PTPRD: variants seen among roughly 807,000 people sequenced by gnomAD.
PTPRD encodes receptor-type tyrosine-protein phosphatase delta.
In PTPRD, 34 loss-of-function variants were observed where a neutral mutation model predicts 214.5. That is an observed-to-expected ratio of 0.16 (90% CI 0.12 to 0.21). PTPRD has a LOEUF of 0.21. PTPRD is among the 10% of genes least tolerant of loss of function. PTPRD has a pLI of 1.00. For missense variants in PTPRD, 2,545 were observed against 2,398.7 expected, an observed-to-expected ratio of 1.06 and a Z score of -1.27; for synonymous variants, 1,128 against 845.7, an observed-to-expected ratio of 1.33 and a Z score of -5.79.
chr9:8,614,514 T>C (rs566866676), intron 14 of PTPRD, among the ~76,000 whole-genome samples: 6 of 152,174 alleles, frequency 3.9e-5, no homozygotes, highest in Admixed American at 6.5e-5. Context: ...TAGACTGAAA[T>C]AGAGAAGATA....
At chr9:9,846,281 G>A (rs1487925297) in intron 5 of PTPRD, among the ~76,000 whole-genome samples, 1 of 151,966 alleles carries the variant, frequency 6.6e-6, no homozygotes, top group Non-Finnish European at 1.5e-5. Flanking sequence ...GTACCCTACA[G>A]CATTCCCAAT....
At chr9:8,883,061 A>G (rs1161502416) in intron 11 of PTPRD, among the ~76,000 whole-genome samples, 3 of 152,090 alleles carry the variant, frequency 2.0e-5, no homozygotes, top group Non-Finnish European at 4.4e-5. Context: ...GCTGTTTGAA[A>G]TTCCTGTCAA....
intron 5 of PTPRD, among the ~76,000 whole-genome samples, chr9:9,825,765 T>C (rs2052593440): frequency 6.6e-6 from 1 of 151,866 alleles, no homozygotes; most frequent in Non-Finnish European, 1.5e-5. Flanking sequence ...TCATTTTCTT[T>C]CTTCATGTAT....
chr9:8,430,255 AT>A (rs2094951089), intron 35 of PTPRD, among the ~76,000 whole-genome samples: 2 of 151,628 alleles, frequency 1.3e-5, no homozygotes, highest in Admixed American at 6.6e-5. Flanking sequence ...TGGGATGCCC[AT>A]TAATTTTTTT....
At chr9:9,838,379 C>T (rs573925699) in intron 5 of PTPRD, among the ~76,000 whole-genome samples, 39 of 152,016 alleles carry the variant, frequency 2.6e-4, no homozygotes, top group Middle Eastern at 3.4e-3. Context: ...GTTTACAGTC[C>T]CACCAACAGT....
Position 9,468,376 on chromosome 9 carries a change from T to C in PTPRD, c.-236-70894A>G, listed in dbSNP as rs181498416. On this transcript the variant is annotated intron_variant, in intron 8 of 45. Transcript: ENST00000381196. ...AATAATCTTTACTAAGATATCTATG[T>C]AGTTATCTTTGTATAGATATGTGCA... 1.2e-4 allele frequency among the ~76,000 whole-genome samples: 18 copies of C among 152,088 alleles called. No individual in the cohort carries two copies. In the East Asian group the frequency reaches 3.3e-3, roughly 28 times the overall value.
chr9:8,748,785 C>A (rs923365359), intron 11 of PTPRD, among the ~76,000 whole-genome samples: 1 of 152,064 alleles, frequency 6.6e-6, no homozygotes, highest in African/African-American at 2.4e-5. Flanking sequence ...GTGGCGCATG[C>A]CTGTAATCCC....
intron 3 of PTPRD, among the ~76,000 whole-genome samples, chr9:10,140,703 A>G (rs934259545): frequency 1.3e-5 from 2 of 152,158 alleles, no homozygotes; most frequent in Admixed American, 1.3e-4. Flanking sequence ...TTCTGAAACT[A>G]TTCCAATCAA....
intron 5 of PTPRD, among the ~76,000 whole-genome samples, chr9:9,871,378 C>A (rs2065375066): frequency 6.6e-6 from 1 of 152,100 alleles, no homozygotes. Context: ...AGTCTTGTAT[C>A]CTTGATGGAG....
intron 5 of PTPRD, among the ~76,000 whole-genome samples, chr9:9,931,376 G>C (rs1375905041): frequency 6.6e-6 from 1 of 152,164 alleles, no homozygotes; most frequent in Admixed American, 6.5e-5. Flanking sequence ...CGTGCACCGT[G>C]CGTGAGCCGA....
At chr9:8,880,429 G>A (rs2098435830) in intron 11 of PTPRD, among the ~76,000 whole-genome samples, 1 of 152,134 alleles carries the variant, frequency 6.6e-6, no homozygotes, top group Non-Finnish European at 1.5e-5. Context: ...TCACGAAGAT[G>A]ATGATGAAGC....
rs143076737 is a variant in PTPRD, at chr9:10,167,628, T to A, written c.-544-133838A>T. On this transcript the variant is annotated intron_variant, in intron 3 of 45. Coordinates refer to ENST00000381196, the MANE Select transcript of PTPRD (RefSeq NM_002839.4). ...GGATGTACGGAGTTTTAAAATAGGATGATTTATGAAGTTTTCTGTTTAATA... is the reference window on the plus strand; with the variant it reads ...GGATGTACGGAGTTTTAAAATAGGAAGATTTATGAAGTTTTCTGTTTAATA... Among the ~76,000 whole-genome samples the A allele has an allele frequency of 5.1e-3, 780 of 152,298 alleles. 7 individuals are homozygous for A. Among genetic ancestry groups the A allele is most frequent in the African/African-American group, 0.018 (748 of 41,562 alleles).
intron 12 of PTPRD, among the ~76,000 whole-genome samples, chr9:8,718,703 C>T (rs17575409): frequency 0.082 from 12,477 of 152,230 alleles, 644 homozygotes; most frequent in Middle Eastern, 0.13. Context: ...GTATGCCCTT[C>T]CTACATCTGC....
intron 8 of PTPRD, among the ~76,000 whole-genome samples, chr9:9,436,855 CT>C (rs1569568311): frequency 6.6e-6 from 1 of 150,862 alleles, no homozygotes; most frequent in Non-Finnish European, 1.5e-5. Context: ...TTATCTGTCT[CT>C]TTTTGCTTAT....
At chr9:10,510,622 T>G (rs138216468) in intron 2 of PTPRD, among the ~76,000 whole-genome samples, 1 of 152,292 alleles carries the variant, frequency 6.6e-6, no homozygotes, top group African/African-American at 2.4e-5. Context: ...ACACATTATA[T>G]TTTAACATGA....
At chr9:9,680,222 C>A (rs1479853955) in intron 7 of PTPRD, among the ~76,000 whole-genome samples, 1 of 151,656 alleles carries the variant, frequency 6.6e-6, no homozygotes, top group African/African-American at 2.4e-5. Context: ...GATAAAAAAG[C>A]CTTTATCTTT....
At chr9:8,896,439 A>C (rs1011415937) in intron 11 of PTPRD, among the ~76,000 whole-genome samples, 2 of 152,204 alleles carry the variant, frequency 1.3e-5, no homozygotes, top group Admixed American at 1.3e-4. Context: ...CCCAAGCTTA[A>C]AATAGCATAA....
intron 12 of PTPRD, among the ~76,000 whole-genome samples, chr9:8,665,465 T>A (rs141036345): frequency 1.2e-4 from 18 of 152,274 alleles, no homozygotes; most frequent in African/African-American, 4.1e-4. Context: ...CATGAGCTGA[T>A]CCTTTGAACA....
At position 9,960,889 on chromosome 9, in the gene PTPRD, G is replaced by T. The variant is rs1316297870; in HGVS notation, c.-471-22279C>A. 3.9e-5 allele frequency among the ~76,000 whole-genome samples: 6 copies of T among 151,980 alleles called. No individual in the cohort carries two copies. In the East Asian group the frequency reaches 1.2e-3, roughly 29 times the overall value. On this transcript the variant is annotated intron_variant, in intron 4 of 45. Transcript: ENST00000381196. The stretch of plus-strand genomic sequence containing the variant: ...TGAACAGGCAACCTACAGAATGGGA[G>T]AAAATTTTTGCAATCTACTCATCTG...
Sources: allele counts gnomAD v4.1 joint callset (sites outside exome capture counted in the v4.1 genomes callset), GRCh38; gene constraint gnomAD v4.1.1; transcripts MANE v1.5; gene names NCBI Gene and HGNC (gene_info 2026-07-23, HGNC 2026-07-21).